NSD1: variants seen among roughly 807,000 people sequenced by gnomAD.
The protein encoded by NSD1 is nuclear receptor binding SET domain protein 1.
NSD1 carries 26 observed loss-of-function variants against 242.7 expected under a neutral mutation model. The ratio of observed to expected loss-of-function variants is 0.11; its 90% confidence interval spans 0.08 to 0.15. NSD1 has a LOEUF of 0.15. Among genes scored for constraint, NSD1 ranks in the 10% least tolerant of loss-of-function variants. The probability of loss-of-function intolerance (pLI) is 1.00; values close to 1 mark genes in which losing one functional copy is unlikely to be tolerated. For missense variants in NSD1, 2,495 were observed against 3,272.8 expected, an observed-to-expected ratio of 0.76 and a Z score of 5.80; for synonymous variants, 1,106 against 1,178.1, an observed-to-expected ratio of 0.94 and a Z score of 1.25.
At chr5:177,284,379 G>T (rs1759131807) in intron 20 of NSD1, among the ~76,000 whole-genome samples, 1 of 152,128 alleles carries the variant, frequency 6.6e-6, no homozygotes, top group East Asian at 1.9e-4. Flanking sequence ...CTGGGCTCAA[G>T]CAATCCTGCT....
Position 177,289,527 on chromosome 5 carries a change from G to A in NSD1, c.6258+602G>A, listed in dbSNP as rs115707070. ...ATAAAGAAGGTTAGTTACCTCCCTC[G>A]TCTTGATCTCACATCTCCTAATAAG... On this transcript the variant is annotated intron_variant, in intron 21 of 22. Transcript: ENST00000439151. 2.0e-3 allele frequency among the ~76,000 whole-genome samples: 298 copies of A among 152,052 alleles called. 1 individual carries two copies. The highest frequency in any genetic ancestry group is 6.8e-3 in the African/African-American group (284 of 41,470).
rs11740250 is a variant in NSD1, at chr5:177,294,271, G to C, written c.6903G>C (p.Gly2301=). 0.21 allele frequency: 343,131 copies of C among 1,614,014 alleles called. 39,971 individuals carry two copies. The highest frequency in any genetic ancestry group is 0.24 in the Middle Eastern group (1,451 of 6,062). ...TAGATAAGGTCAGAGACCTCGCTGG[G>C]TCAGGGACCAAATCCCAATCCTTGG... ...QPLDKVRDLA[G]SGTKSQSLVS... The change falls in exon 23 of 23, where the codon GGG becomes GGC. Residue 2301 remains glycine, a synonymous_variant. Coordinates refer to ENST00000439151, the MANE Select transcript of NSD1 (RefSeq NM_022455.5).
chr5:177,212,882 G>A (rs929752730), intron 5 of NSD1, among the ~76,000 whole-genome samples: 17 of 152,050 alleles, frequency 1.1e-4, no homozygotes, highest in Admixed American at 5.9e-4. Flanking sequence ...CAAGTGATCC[G>A]CCCACCAAAA....
intron 19 of NSD1, among the ~76,000 whole-genome samples, chr5:177,283,034 A>T (rs1191185901): frequency 5.3e-5 from 8 of 152,062 alleles, no homozygotes; most frequent in African/African-American, 1.9e-4. Flanking sequence ...GCTTGCTGCA[A>T]CCTCTGCCTC....
chr5:177,185,798 TATATATATAA>T (rs1443285105), intron 2 of NSD1, among the ~76,000 whole-genome samples: 22 of 89,112 alleles, frequency 2.5e-4, no homozygotes, highest in Non-Finnish European at 3.5e-4. Context: ...ATTATATATA[TATATATATAA>T]ATTTATATAT....
intron 2 of NSD1, among the ~76,000 whole-genome samples, chr5:177,159,052 TGAATG>T (rs1758507174): frequency 7.1e-6 from 1 of 141,268 alleles, no homozygotes; most frequent in African/African-American, 2.8e-5. Context: ...TATATATGAA[TGAATG>T]AATGAGATGG....
At chr5:177,231,609 C>T (rs900179560) in intron 5 of NSD1, among the ~76,000 whole-genome samples, 8 of 151,910 alleles carry the variant, frequency 5.3e-5, no homozygotes, top group South Asian at 4.2e-4. Context: ...TTAGTAGAGA[C>T]GGGGTTTTTC....
chr5:177,215,014 T>A (rs1000646186), intron 5 of NSD1, among the ~76,000 whole-genome samples: 24 of 152,208 alleles, frequency 1.6e-4, no homozygotes, highest in African/African-American at 5.8e-4. Flanking sequence ...AACCTTTTTT[T>A]ATGGCTGAAT....
chr5:177,158,721 C>G lies in NSD1; in HGVS notation c.927+22691C>G, dbSNP rs1304647156. On this transcript the variant is annotated intron_variant, in intron 2 of 22. Transcript: ENST00000439151. ...CCTGTAATCCCAGCTACTAGGGCGACTGAGGTGGTAGCATCGCTTGAGCCC... is the reference window on the plus strand; with the variant it reads ...CCTGTAATCCCAGCTACTAGGGCGAGTGAGGTGGTAGCATCGCTTGAGCCC... Among the ~76,000 whole-genome samples the G allele has an allele frequency of 3.3e-5, 5 of 149,442 alleles. No homozygotes were observed. In the Admixed American group the frequency reaches 3.4e-4, roughly 10 times the overall value.
At chr5:177,176,437 T>TTTC (rs1554182592) in intron 2 of NSD1, among the ~76,000 whole-genome samples, 1 of 148,072 alleles carries the variant, frequency 6.8e-6, no homozygotes, top group Non-Finnish European at 1.5e-5. Flanking sequence ...TTTTTTTTTT[T>TTTC]TTCTTCTTTT....
At chr5:177,286,643 C>T (rs1759352821) in intron 20 of NSD1, among the ~76,000 whole-genome samples, 1 of 152,110 alleles carries the variant, frequency 6.6e-6, no homozygotes, top group South Asian at 2.1e-4. Context: ...TCTAATCGCC[C>T]CAGGGGTGGA....
intron 16 of NSD1, among the ~76,000 whole-genome samples, chr5:177,270,837 A>G (rs1336030124): frequency 6.6e-6 from 1 of 152,186 alleles, no homozygotes; most frequent in Non-Finnish European, 1.5e-5. Context: ...GTAGCTCCTC[A>G]CTTACCCTGT....
chr5:177,185,981 TTA>T (rs1412135534), intron 2 of NSD1, among the ~76,000 whole-genome samples: 1 of 99,640 alleles, frequency 1.0e-5, no homozygotes, highest in Non-Finnish European at 1.8e-5. Flanking sequence ...ATATTATATA[TTA>T]TATATTTTAT....
chr5:177,292,209 A>T (rs1309004335), intron 22 of NSD1, 51 bp downstream of exon 22: 6 of 1,578,932 alleles, frequency 3.8e-6, no homozygotes, highest in Non-Finnish European at 5.2e-6. Context: ...CATCATACTC[A>T]GGGTCTCATG....
chr5:177,231,181 G>A (rs1765026551), intron 5 of NSD1, among the ~76,000 whole-genome samples: 1 of 152,128 alleles, frequency 6.6e-6, no homozygotes, highest in Non-Finnish European at 1.5e-5. Flanking sequence ...AAACTCCTGG[G>A]CTCAAGTGAT....
chr5:177,250,959 A>G (rs1755900021), intron 11 of NSD1, among the ~76,000 whole-genome samples: 1 of 152,186 alleles, frequency 6.6e-6, no homozygotes, highest in Admixed American at 6.5e-5. Flanking sequence ...TGGGAGGCCA[A>G]GGTGGGTGGA....
chr5:177,254,835 A>AT (rs1756298595), intron 12 of NSD1, among the ~76,000 whole-genome samples: 1 of 152,058 alleles, frequency 6.6e-6, no homozygotes, highest in African/African-American at 2.4e-5. Context: ...AGAAGATAGA[A>AT]TTTTTTTATT....
At chr5:177,273,933 C>T (rs970048713) in intron 17 of NSD1, 149 bp downstream of exon 17, 6 of 603,522 alleles carry the variant, frequency 9.9e-6, no homozygotes, top group South Asian at 5.3e-5. Flanking sequence ...TAGCCGGGCA[C>T]GGTGGCTCAC....
chr5:177,255,214 A>G (rs1166592681), intron 12 of NSD1, among the ~76,000 whole-genome samples: 1 of 152,052 alleles, frequency 6.6e-6, no homozygotes, highest in South Asian at 2.1e-4. Context: ...CTAAGTCACG[A>G]GAATTGCTTG....
Sources: allele counts gnomAD v4.1 joint callset (sites outside exome capture counted in the v4.1 genomes callset), GRCh38; gene constraint gnomAD v4.1.1; transcripts MANE v1.5; gene names NCBI Gene and HGNC (gene_info 2026-07-23, HGNC 2026-07-21).